The following ERBB4 variants were observed in gnomAD, a reference collection of about 807,000 sequenced individuals.
The protein encoded by ERBB4 is receptor tyrosine-protein kinase erbB-4.
Under a neutral mutation model 158.0 loss-of-function variants are expected in ERBB4, and 42 were observed. The ratio of observed to expected loss-of-function variants is 0.27; its 90% confidence interval spans 0.21 to 0.34. The LOEUF is 0.34. Ranked by LOEUF, ERBB4 falls within the 10% of genes least tolerant of loss-of-function variation. The pLI, the probability that ERBB4 is intolerant of heterozygous loss-of-function variation, is 1.00. For synonymous variants in ERBB4, 583 were observed against 558.7 expected (o/e 1.04, Z -0.61); for missense variants, 1,333 against 1,624.1 (o/e 0.82, Z 3.08).
chr2:211,794,440 T>C (rs1447205807), intron 3 of ERBB4, among the ~76,000 whole-genome samples: 1 of 151,954 alleles, frequency 6.6e-6, no homozygotes, highest in Non-Finnish European at 1.5e-5. Flanking sequence ...AGAACTATGA[T>C]GTACACCTCT....
intron 2 of ERBB4, among the ~76,000 whole-genome samples, chr2:212,030,258 A>G (rs547505160): frequency 6.6e-6 from 1 of 151,964 alleles, no homozygotes; most frequent in African/African-American, 2.4e-5. Flanking sequence ...CTATTTCACT[A>G]CCTTTATCCA....
intron 2 of ERBB4, among the ~76,000 whole-genome samples, chr2:212,032,510 T>G (rs2076925707): frequency 6.6e-6 from 1 of 152,060 alleles, no homozygotes; most frequent in Non-Finnish European, 1.5e-5. Context: ...TATGAACAGA[T>G]AGAGACTAGT....
At chr2:212,426,156 T>C (rs1349674311) in intron 1 of ERBB4, 1 of 393,004 alleles carries the variant, frequency 2.5e-6, no homozygotes, top group East Asian at 9.0e-5. Flanking sequence ...TTCTCTACTT[T>C]TAAGTTTGAA....
intron 1 of ERBB4, among the ~76,000 whole-genome samples, chr2:212,217,195 G>T (rs2083127699): frequency 6.6e-6 from 1 of 151,336 alleles, no homozygotes; most frequent in Non-Finnish European, 1.5e-5. Context: ...GCTCTATTTT[G>T]CAGCAGCCTA....
chr2:212,006,445 G>A (rs1439514758), intron 2 of ERBB4, among the ~76,000 whole-genome samples: 1 of 151,996 alleles, frequency 6.6e-6, no homozygotes, highest in Non-Finnish European at 1.5e-5. Flanking sequence ...TCTAGTTATA[G>A]TCTCCTTGAC....
rs556786242 is a variant in ERBB4 at position 212,142,607 on chromosome 2, T to TAA, written c.83-17706_83-17705dup. Among the ~76,000 whole-genome samples, 980 of 147,590 alleles carry TAA rather than the reference T, an allele frequency of 6.6e-3. 8 individuals carry two copies. Among genetic ancestry groups the TAA allele is most frequent in the Middle Eastern group, 0.022 (6 of 278 alleles). On this transcript the variant is annotated intron_variant, in intron 1 of 27. Coordinates refer to ENST00000342788, the MANE Select transcript of ERBB4 (RefSeq NM_005235.3). The stretch of plus-strand genomic sequence containing the variant: ...CACATTATATATATATATATAATAT[T>TAA]AAAATATATATATAATATATATAAA...
intron 16 of ERBB4, among the ~76,000 whole-genome samples, chr2:211,638,981 T>C (rs1210331555): frequency 6.6e-6 from 1 of 152,102 alleles, no homozygotes; most frequent in African/African-American, 2.4e-5. Flanking sequence ...ATATATATAA[T>C]CTATCTAGGA....
intron 3 of ERBB4, among the ~76,000 whole-genome samples, chr2:211,924,382 G>T (rs2079958786): frequency 6.6e-6 from 1 of 152,018 alleles, no homozygotes; most frequent in South Asian, 2.1e-4. Context: ...AACACTATTT[G>T]GGTGATGGGT....
intron 2 of ERBB4, among the ~76,000 whole-genome samples, chr2:211,967,153 T>C (rs1186544656): frequency 3.9e-5 from 6 of 152,126 alleles, no homozygotes; most frequent in African/African-American, 1.4e-4. Context: ...AAATCTTACC[T>C]TTGTTGAATT....
At chr2:211,630,279 C>G (rs1407882679) in intron 17 of ERBB4, among the ~76,000 whole-genome samples, 183 bp downstream of exon 17, 1 of 152,156 alleles carries the variant, frequency 6.6e-6, no homozygotes, top group Non-Finnish European at 1.5e-5. Context: ...CCCCTTGAAG[C>G]CTTGACTATT....
At chr2:212,113,522 C>T (rs550886262) in intron 2 of ERBB4, among the ~76,000 whole-genome samples, 2 of 129,906 alleles carry the variant, frequency 1.5e-5, no homozygotes, top group East Asian at 2.2e-4. Context: ...TGCAGTGAGC[C>T]GAGATCATGC....
chr2:211,529,948 C>T (rs1289999629), intron 20 of ERBB4, among the ~76,000 whole-genome samples: 2 of 151,900 alleles, frequency 1.3e-5, no homozygotes, highest in East Asian at 3.9e-4. Flanking sequence ...ACAAAGATGC[C>T]CACCCTCACC....
chr2:212,103,194 A>T (rs1215945078), intron 2 of ERBB4, among the ~76,000 whole-genome samples: 1 of 152,088 alleles, frequency 6.6e-6, no homozygotes, highest in African/African-American at 2.4e-5. Flanking sequence ...AGAGTTACAC[A>T]TTCTGCTACT....
rs180731369 is a variant in ERBB4, at chr2:212,321,057, T to C, written c.83-196154A>G. 3.7e-4 allele frequency among the ~76,000 whole-genome samples: 56 copies of C among 150,370 alleles called. 1 individual carries two copies. Among genetic ancestry groups the C allele is most frequent in the African/African-American group, 1.4e-3 (56 of 41,358 alleles). ...AAACTCTCACTGTAGAGTTTTAATATGAGATAATCACAGTGGAAAAGGAAA... is the reference window on the plus strand; with the variant it reads ...AAACTCTCACTGTAGAGTTTTAATACGAGATAATCACAGTGGAAAAGGAAA... On this transcript the variant is annotated intron_variant, in intron 1 of 27. Transcript: ENST00000342788.
At chr2:212,086,009 C>A (rs976787522) in intron 2 of ERBB4, among the ~76,000 whole-genome samples, 3 of 151,920 alleles carry the variant, frequency 2.0e-5, no homozygotes, top group African/African-American at 7.2e-5. Flanking sequence ...CATCTGAGAA[C>A]TTCCCCAATC....
intron 1 of ERBB4, among the ~76,000 whole-genome samples, chr2:212,373,962 CCATATATATCCAT>C (rs2090210754): frequency 1.8e-5 from 2 of 108,926 alleles, no homozygotes; most frequent in South Asian, 3.0e-4. Flanking sequence ...ATATATATAT[CCATATATATCCAT>C]ATATATATAT....
In ERBB4 at chr2:212,537,150, C is replaced by CGGCGGCGTCGGG. The variant is rs576146218; in HGVS notation, c.82+1298_82+1299insCCCGACGCCGCC. Reference sequence around the variant, plus strand: ...GCAAAGGAGGCGGCGGCGGCGGCGGCGGCGGAGCGGGAAAACTACAGCTAG... The same window carrying CGGCGGCGTCGGG: ...GCAAAGGAGGCGGCGGCGGCGGCGGCGGCGGCGTCGGGGGCGGAGCGGGAAAACTACAGCTAG... On this transcript the variant is annotated intron_variant, in intron 1 of 27. Transcript: ENST00000342788. Among the ~76,000 whole-genome samples the CGGCGGCGTCGGG allele has an allele frequency of 3.4e-4, 52 of 151,212 alleles. No homozygotes were observed. The South Asian group carries it at 0.011, about 31-fold the overall frequency.
At chr2:212,461,375 G>T (rs556177142) in intron 1 of ERBB4, among the ~76,000 whole-genome samples, 1 of 152,316 alleles carries the variant, frequency 6.6e-6, no homozygotes, top group Admixed American at 6.5e-5. Flanking sequence ...TGACTTGGAT[G>T]TAAGAGAAGG....
rs116523045 is a variant in ERBB4 at position 211,510,019 on chromosome 2, T to C, written c.2487+51884A>G. On this transcript the variant is annotated intron_variant, in intron 20 of 27. Coordinates refer to ENST00000342788, the MANE Select transcript of ERBB4 (RefSeq NM_005235.3). ...GGAATTTAAATTCATAAAACCTCTATGGAAAACAGCACAGAGGTTTCTCAA... is the reference window on the plus strand; with the variant it reads ...GGAATTTAAATTCATAAAACCTCTACGGAAAACAGCACAGAGGTTTCTCAA... 9.9e-3 allele frequency among the ~76,000 whole-genome samples: 1,506 copies of C among 152,246 alleles called. 28 individuals are homozygous for C. The highest frequency in any genetic ancestry group is 0.035 in the African/African-American group (1,438 of 41,576).
Sources: gnomAD v4.1 joint callset for allele counts (sites outside exome capture counted in the v4.1 genomes callset) on GRCh38, gnomAD v4.1.1 for gene constraint, MANE v1.5 for transcripts, NCBI Gene and HGNC (gene_info 2026-07-23, HGNC 2026-07-21) for gene names.